The following SYNE1 variants were observed in gnomAD, a reference collection of about 807,000 sequenced individuals.
The protein encoded by SYNE1 is spectrin repeat containing nuclear envelope protein 1.
In SYNE1, 616 loss-of-function variants were observed where a neutral mutation model predicts 1,111.0. The ratio of observed to expected loss-of-function variants is 0.55; its 90% CI spans 0.52 to 0.59. SYNE1 has a LOEUF of 0.59. Among genes scored for constraint, SYNE1 ranks in the 20% least tolerant of loss-of-function variants. The pLI is 0.00. For missense variants in SYNE1, 10,006 were observed against 10,417.0 expected (o/e 0.96, Z 1.72); for synonymous variants, 3,855 against 3,825.8 (o/e 1.01, Z -0.28).
rs2095498422 is a variant in SYNE1, at chr6:152,309,963, A to G, written c.17074T>C (p.Cys5692Arg). 2 of 1,614,182 alleles carry G rather than the reference A, an allele frequency of 1.2e-6. No individual in the cohort carries two copies. The highest frequency in any genetic ancestry group is 2.2e-5 in the South Asian group (2 of 91,088). ...LKPKVQAVQLCQSALRIPEDV... is the reference protein window; with the variant it reads ...LKPKVQAVQLRQSALRIPEDV... ...TCGGGGATCCGGAGGGCACTCTGGC[A>G]GAGCTGCACTGCTTGCACCTTCGGC... The change falls in exon 90 of 146, where the codon TGC (cysteine) becomes CGC (arginine). Residue 5692 changes from cysteine (C) to arginine (R), a missense_variant. Around this residue, in one of 7 missense-constraint regions of SYNE1, gnomAD observed 4,955 missense variants for 5,017.2 expected, o/e 0.99. Transcript: ENST00000367255.
intron 98 of SYNE1, among the ~76,000 whole-genome samples, chr6:152,270,766 C>A (rs1273508474): frequency 6.6e-6 from 1 of 152,108 alleles, no homozygotes; most frequent in Non-Finnish European, 1.5e-5. Context: ...GAAGATAAGG[C>A]CTACAGAGAC....
chr6:152,479,756 C>G (rs528452467), intron 14 of SYNE1, among the ~76,000 whole-genome samples: 6 of 152,242 alleles, frequency 3.9e-5, no homozygotes, highest in African/African-American at 1.4e-4. Flanking sequence ...AAAGATAATA[C>G]AGGTACACTA....
At chr6:152,285,973 T>C (rs540297250) in intron 95 of SYNE1, among the ~76,000 whole-genome samples, 40 of 152,352 alleles carry the variant, frequency 2.6e-4, no homozygotes, top group African/African-American at 9.6e-4. Flanking sequence ...GCTTTATATT[T>C]GCCAGCATTT....
intron 3 of SYNE1, among the ~76,000 whole-genome samples, chr6:152,614,114 A>G (rs1308888799): frequency 6.6e-6 from 1 of 152,252 alleles, no homozygotes; most frequent in East Asian, 1.9e-4. Flanking sequence ...AGCAATGGCA[A>G]CAAAAGCCAA....
In SYNE1 at chr6:152,311,389, T is replaced by TA. The variant is rs558013830; in HGVS notation, c.16711-517dup. 2.7e-4 allele frequency among the ~76,000 whole-genome samples: 41 copies of TA among 152,308 alleles called. 1 individual carries two copies. Among genetic ancestry groups the TA allele is most frequent in the Admixed American group, 1.6e-3 (24 of 15,304 alleles). On this transcript the variant is annotated intron_variant, in intron 87 of 145. Coordinates refer to ENST00000367255, the MANE Select transcript of SYNE1 (RefSeq NM_182961.4). Reference sequence around the variant, plus strand: ...TTAAGTGAGACAAAGGGGTAGAAGATACGTGCAATAACTATCAAGAGAAGC... The same window carrying TA: ...TTAAGTGAGACAAAGGGGTAGAAGATAACGTGCAATAACTATCAAGAGAAGC...
intron 117 of SYNE1, 100 bp downstream of exon 117, chr6:152,224,391 AAAC>A: frequency 9.4e-7 from 1 of 1,058,952 alleles, no homozygotes. Context: ...AATTAAACGT[AAAC>A]AACATATGGC....
intron 37 of SYNE1, 94 bp downstream of exon 37, chr6:152,428,111 G>C: frequency 6.6e-7 from 1 of 1,522,650 alleles, no homozygotes; most frequent in Non-Finnish European, 9.0e-7. Flanking sequence ...CACGTCTTTT[G>C]CATCTGGGAT....
intron 87 of SYNE1, among the ~76,000 whole-genome samples, chr6:152,312,239 T>C (rs946621182): frequency 6.7e-5 from 10 of 149,860 alleles, no homozygotes; most frequent in Middle Eastern, 3.4e-3. Flanking sequence ...GACGGAGTTT[T>C]GCTCCTGTTG....
Position 152,148,103 on chromosome 6 carries a change from C to T in SYNE1, c.24918G>A (p.Glu8306=), listed in dbSNP as rs1238909810. ...CTTTGTCATCCTGACCTTCTTCATC[C>T]TCAGAGGGCAGAGCTCTGGACATTG... ...ESAMSRALPS[E]DEEGQDDKDF... is the part of the protein sequence containing the mutation. Residue 8306 remains glutamate (E), a synonymous_variant, in exon 137 of 146, where the codon GAG becomes GAA. Transcript: ENST00000367255. This position sits in a 1 kb window ranked among gnomAD's most constrained non-coding sequence, Gnocchi z 4.1. 8 of 1,614,074 alleles carry T rather than the reference C, an allele frequency of 5.0e-6. No homozygotes were observed. In the African/African-American group the frequency reaches 8.0e-5, roughly 16 times the overall value.
intron 3 of SYNE1, among the ~76,000 whole-genome samples, chr6:152,552,385 C>T (rs1210151119): frequency 6.6e-6 from 1 of 151,344 alleles, no homozygotes; most frequent in East Asian, 1.9e-4. Context: ...CTTAGTCTCA[C>T]CCTGTGATCT....
At chr6:152,192,107 G>T (rs2072602085) in intron 127 of SYNE1, among the ~76,000 whole-genome samples, 1 of 152,158 alleles carries the variant, frequency 6.6e-6, no homozygotes, top group Non-Finnish European at 1.5e-5. Flanking sequence ...GATCAGAGAA[G>T]ATACTTGATA....
intron 29 of SYNE1, among the ~76,000 whole-genome samples, chr6:152,445,939 A>C (rs1283621927): frequency 2.0e-5 from 3 of 152,096 alleles, no homozygotes; most frequent in African/African-American, 7.2e-5. Flanking sequence ...ATTATGCAGA[A>C]GTTTAAGGCA....
chr6:152,367,435 C>T, intron 61 of SYNE1, 53 bp from the exon 62 acceptor site: 2 of 1,601,174 alleles, frequency 1.2e-6, no homozygotes, highest in Non-Finnish European at 1.7e-6. Flanking sequence ...AGACAAACTG[C>T]AAAGCTAACA....
rs1437200955 is a variant in SYNE1 at position 152,441,361 on chromosome 6, C to A, written c.4009-91G>T. The A allele has an allele frequency of 8.8e-6, 12 of 1,369,842 alleles. 1 individual carries two copies. The South Asian group carries it at 8.9e-5, about 10-fold the overall frequency. 84.9% of individuals were successfully genotyped at this position (1,369,842 alleles called of 1,614,324 possible). A position where few individuals can be genotyped will look rare whatever the true frequency, so the allele number is the denominator to read the frequency against. On this transcript the variant is annotated intron_variant, in intron 31 of 145. Coordinates refer to ENST00000367255, the MANE Select transcript of SYNE1 (RefSeq NM_182961.4). Reference sequence around the variant, plus strand: ...CGTTTGCAAAACTGTCAACTTTCAGCGAATTCTCATTTCAAATTTCACACA... The same window carrying A: ...CGTTTGCAAAACTGTCAACTTTCAGAGAATTCTCATTTCAAATTTCACACA...
intron 116 of SYNE1, 144 bp downstream of exon 116, chr6:152,225,574 AGAG>A (rs764531307): frequency 5.3e-5 from 49 of 916,400 alleles, no homozygotes; most frequent in Non-Finnish European, 7.3e-5. Context: ...AAAAAAAAAA[AGAG>A]GATAACGAAG....
chr6:152,139,742 A>AAAGAAAGAAAGAAAGAAAGAAAGAAAGG (rs1562954833), intron 140 of SYNE1, among the ~76,000 whole-genome samples: 2 of 146,042 alleles, frequency 1.4e-5, no homozygotes, highest in South Asian at 4.3e-4. Flanking sequence ...AGAAAGAAAG[A>AAAGAAAGAAAGAAAGAAAGAAAGAAAGG]AAGAAAGAAA....
In SYNE1 at chr6:152,628,265, C is replaced by T; in HGVS notation, c.67G>A (p.Asp23Asn). The T allele has an allele frequency of 6.2e-7, 1 of 1,614,112 alleles. No individual in the cohort carries two copies. The highest frequency in any genetic ancestry group is 2.2e-5 in the East Asian group (1 of 44,876). ...AAAACCTGAAATTTCTTCCCCCTAC[C>T]TTGCAGCCTCTGCATCACATTGGCG... The part of the protein sequence containing the change: ...DIANVMQRLQ[D>N]EQEIVQKRTF... Residue 23 changes from aspartate (D) to asparagine (N), a missense_variant and splice_region_variant, in exon 3 of 146, where the codon GAT becomes AAT. This residue lies in a region of SYNE1 where 1,971 missense variants were observed against 2,084.1 expected (regional missense o/e 0.95). Coordinates refer to ENST00000367255, the MANE Select transcript of SYNE1 (RefSeq NM_182961.4).
At chr6:152,145,440 G>C (rs1198937101) in intron 137 of SYNE1, 1 of 1,552,708 alleles carries the variant, frequency 6.4e-7, no homozygotes, top group Non-Finnish European at 8.9e-7. Flanking sequence ...GAGGAGGATT[G>C]CTATACAGGG....
intron 3 of SYNE1, among the ~76,000 whole-genome samples, chr6:152,598,839 T>C (rs1002965957): frequency 3.3e-5 from 5 of 152,248 alleles, no homozygotes; most frequent in African/African-American, 1.2e-4. Flanking sequence ...GAGTATTTTA[T>C]GATATAATTA....
Sources: allele counts gnomAD v4.1 joint callset (sites outside exome capture counted in the v4.1 genomes callset), GRCh38; gene constraint gnomAD v4.1.1; regional missense constraint gnomAD v4.1.1; non-coding constraint Gnocchi (gnomAD v3.1); transcripts MANE v1.5; gene names NCBI Gene and HGNC (gene_info 2026-07-23, HGNC 2026-07-21).